The following ARHGAP39 variants were observed in gnomAD, a reference collection of about 807,000 sequenced individuals.
The protein encoded by ARHGAP39 is Rho GTPase activating protein 39.
A neutral mutation model predicts 106.9 loss-of-function variants in ARHGAP39; 44 were observed. The ratio of observed to expected loss-of-function variants is 0.41; its 90% CI spans 0.32 to 0.53. The LOEUF is 0.53. ARHGAP39 is among the 20% of genes least tolerant of loss of function. The probability of loss-of-function intolerance (pLI) is 0.21; values close to 1 mark genes in which losing one functional copy is unlikely to be tolerated. For missense variants in ARHGAP39, 1,496 were observed against 1,577.3 expected (o/e 0.95, Z 0.87); for synonymous variants, 768 against 693.2 (o/e 1.11, Z -1.69).
At chr8:144,601,075 C>A (rs1206853909) in intron 2 of ARHGAP39, among the ~76,000 whole-genome samples, 2 of 122,088 alleles carry the variant, frequency 1.6e-5, no homozygotes, top group African/African-American at 6.5e-5. Flanking sequence ...AGCTCGTGTA[C>A]CTGTGTGCAT....
At chr8:144,577,332 A>G (rs1479970954) in intron 3 of ARHGAP39, among the ~76,000 whole-genome samples, 1 of 152,240 alleles carries the variant, frequency 6.6e-6, no homozygotes, top group East Asian at 1.9e-4. Flanking sequence ...GATAGACTGA[A>G]GGAGAGAAAC....
intron 7 of ARHGAP39, among the ~76,000 whole-genome samples, chr8:144,537,322 T>C (rs1343795731): frequency 1.3e-5 from 2 of 151,716 alleles, no homozygotes; most frequent in Admixed American, 6.6e-5. Flanking sequence ...GGGGCAGCCC[T>C]GGGCGGGAAG....
In ARHGAP39 at chr8:144,684,842, GAGCCCACCCGC is replaced by G. The variant is rs1429216309; in HGVS notation, c.-82+833_-82+843del. ...CGCCTGCCGCAGAGGCGAGGCCGCA[GAGCCCACCCGC>G]AGGCGGCCATGACCCCACCTGGAGA... On this transcript the variant is annotated intron_variant, in intron 1 of 11. Transcript: ENST00000377307. This position sits in a 1 kb window ranked among gnomAD's most constrained non-coding sequence, Gnocchi z 4.4. Among the ~76,000 whole-genome samples the G allele has an allele frequency of 6.6e-6, 1 of 152,186 alleles. No homozygotes were observed. The highest frequency in any genetic ancestry group is 1.5e-5 in the Non-Finnish European group (1 of 68,028).
intron 1 of ARHGAP39, among the ~76,000 whole-genome samples, chr8:144,678,654 G>T (rs1248307872): frequency 6.6e-6 from 1 of 152,212 alleles, no homozygotes; most frequent in South Asian, 2.1e-4. Flanking sequence ...TCGCCTAGAC[G>T]CTCTGAGCCT....
the ARHGAP39 span, chr8:144,698,774 G>A: frequency 2.2e-6 from 1 of 454,350 alleles, no homozygotes. Context: ...TTGGCCATGA[G>A]TGGGTCAGGG....
intron 2 of ARHGAP39, among the ~76,000 whole-genome samples, chr8:144,599,932 G>C (rs1274949216): frequency 1.3e-5 from 2 of 152,218 alleles, no homozygotes; most frequent in South Asian, 2.1e-4. Flanking sequence ...TTGGGAGCCA[G>C]GGAAGAAGAG....
At position 144,684,495 on chromosome 8, in the gene ARHGAP39, G is replaced by A. The variant is rs1219121386; in HGVS notation, c.-82+1191C>T. 1.3e-5 allele frequency among the ~76,000 whole-genome samples: 2 copies of A among 152,238 alleles called. No individual in the cohort carries two copies. The highest frequency in any genetic ancestry group is 4.8e-5 in the African/African-American group (2 of 41,478). ...GTAGGTTTTTCAGCAGAGGTCACTG[G>A]AGGTCTGGTTAAACCCGTACAGCAC... is the stretch of plus-strand genomic sequence containing the variant. On this transcript the variant is annotated intron_variant, in intron 1 of 11. Transcript: ENST00000377307. This position sits in a 1 kb window ranked among gnomAD's most constrained non-coding sequence, Gnocchi z 4.4.
At chr8:144,552,464 A>G (rs1311391364) in intron 4 of ARHGAP39, among the ~76,000 whole-genome samples, 1 of 152,210 alleles carries the variant, frequency 6.6e-6, no homozygotes, top group Non-Finnish European at 1.5e-5. Flanking sequence ...CTAAATACAG[A>G]CACAGTTATA....
chr8:144,577,892 C>T (rs1405111015), intron 3 of ARHGAP39, among the ~76,000 whole-genome samples: 1 of 152,174 alleles, frequency 6.6e-6, no homozygotes, highest in African/African-American at 2.4e-5. Flanking sequence ...GAAAAGACAT[C>T]CTCTGTTCAT....
intron 3 of ARHGAP39, among the ~76,000 whole-genome samples, chr8:144,568,569 A>G (rs1228584306): frequency 1.3e-5 from 2 of 152,176 alleles, no homozygotes; most frequent in Non-Finnish European, 2.9e-5. Context: ...ATCTCTTTAA[A>G]TGATAACTGA....
chr8:144,640,997 A>C (rs1203684573), intron 1 of ARHGAP39, among the ~76,000 whole-genome samples: 1 of 152,186 alleles, frequency 6.6e-6, no homozygotes, highest in Non-Finnish European at 1.5e-5. Context: ...CTCTTCATCT[A>C]TATAGACATT....
At chr8:144,694,131 G>A in the ARHGAP39 span, among the ~76,000 whole-genome samples, 1 of 152,192 alleles carries the variant, frequency 6.6e-6, no homozygotes, top group Non-Finnish European at 1.5e-5. Context: ...GGGGACCTGA[G>A]TGAGTGGATG....
At chr8:144,601,545 GGCGT>G (rs1819947023) in intron 2 of ARHGAP39, among the ~76,000 whole-genome samples, 1 of 133,554 alleles carries the variant, frequency 7.5e-6, no homozygotes, top group African/African-American at 3.1e-5. Context: ...TGTGCATGGA[GGCGT>G]GCGTGCGAGC....
At position 144,534,035 on chromosome 8, in the gene ARHGAP39, C is replaced by A. The variant is rs528070923; in HGVS notation, c.2688+94G>T. 6.4e-5 allele frequency: 92 copies of A among 1,426,956 alleles called. 1 individual carries two copies. The East Asian group carries it at 1.5e-3, about 24-fold the overall frequency. The allele number at this position is 1,426,956 out of a possible 1,614,324, so 88.4% of individuals were successfully genotyped here. ...CATGTGGCACCCTCTGCGCTGCTGC[C>A]CCATACCAAACTGCAGGCGGGGCTC... On this transcript the variant is annotated intron_variant, in intron 8 of 11. Coordinates refer to ENST00000377307, the MANE Select transcript of ARHGAP39 (RefSeq NM_025251.3).
intron 1 of ARHGAP39, among the ~76,000 whole-genome samples, chr8:144,620,493 G>A (rs1355905772): frequency 6.9e-6 from 1 of 145,464 alleles, no homozygotes; most frequent in Non-Finnish European, 1.5e-5. Flanking sequence ...GTTAGCCTGT[G>A]TGTCCAAGGG....
At chr8:144,582,981 G>A (rs1819050743) in intron 2 of ARHGAP39, among the ~76,000 whole-genome samples, 1 of 152,118 alleles carries the variant, frequency 6.6e-6, no homozygotes, top group Non-Finnish European at 1.5e-5. Context: ...CCCTCCACAG[G>A]CCCCAGACTC....
At chr8:144,567,005 C>A (rs1360879490) in intron 3 of ARHGAP39, among the ~76,000 whole-genome samples, 2 of 152,100 alleles carry the variant, frequency 1.3e-5, no homozygotes, top group African/African-American at 4.8e-5. Flanking sequence ...TCTTAACCTA[C>A]ACCCAGCAAA....
chr8:144,594,609 G>A (rs370619302), intron 2 of ARHGAP39, among the ~76,000 whole-genome samples: 1 of 151,642 alleles, frequency 6.6e-6, no homozygotes, highest in Admixed American at 6.6e-5. Context: ...AAGGAGAATC[G>A]CTCGAACCCG....
chr8:144,537,958 G>C, intron 6 of ARHGAP39, 145 bp from the exon 7 acceptor site: 4 of 694,440 alleles, frequency 5.8e-6, no homozygotes, highest in Non-Finnish European at 7.3e-6. Flanking sequence ...GTTTCTGGGG[G>C]GACGTGGCTG....
Sources: allele counts gnomAD v4.1 joint callset (sites outside exome capture counted in the v4.1 genomes callset), GRCh38; gene constraint gnomAD v4.1.1; non-coding constraint Gnocchi (gnomAD v3.1); transcripts MANE v1.5; gene names NCBI Gene and HGNC (gene_info 2026-07-23, HGNC 2026-07-21).